HKDC1: variants seen among roughly 807,000 people sequenced by gnomAD.
HKDC1 encodes the protein hexokinase HKDC1.
HKDC1 carries 66 observed loss-of-function variants against 96.6 expected under a neutral mutation model. That is an observed-to-expected ratio of 0.68 (90% CI 0.56 to 0.84). The LOEUF (loss-of-function observed/expected upper bound fraction) is 0.84. HKDC1 is among the 40% of genes least tolerant of loss of function. The probability of loss-of-function intolerance (pLI) is 0.00; values close to 1 mark genes in which losing one functional copy is unlikely to be tolerated. For synonymous variants in HKDC1, 466 were observed against 473.1 expected, an observed-to-expected ratio of 0.98 and a Z score of 0.20; for missense variants, 1,211 against 1,208.1, an observed-to-expected ratio of 1.00 and a Z score of -0.04.
chr10:69,244,521 T>C (rs1843507753), intron 7 of HKDC1, among the ~76,000 whole-genome samples: 1 of 152,316 alleles, frequency 6.6e-6, no homozygotes, highest in South Asian at 2.1e-4. Flanking sequence ...TTACTTAAAA[T>C]AAATTCTATT....
Position 69,232,812 on chromosome 10 carries a change from T to G in HKDC1, c.275T>G (p.Val92Gly). The G allele has an allele frequency of 1.2e-6, 2 of 1,613,876 alleles. No individual in the cohort carries two copies. Among genetic ancestry groups the G allele is most frequent in the Non-Finnish European group, 1.7e-6 (2 of 1,179,942 alleles). Residue 92 changes from valine (V) to glycine (G), a missense_variant, in exon 3 of 18, where the codon GTG becomes GGG. Transcript: ENST00000354624. The part of the protein sequence containing the change: ...SLDLGGSKFR[V>G]LKVQVAEEGK... ...GATCTCGGAGGGTCCAAGTTCCGAG[T>G]GCTGAAGGTGCAAGTCGCTGAAGAG...
chr10:69,243,499 CTTTTTT>C (rs5785905), intron 7 of HKDC1, 134 bp downstream of exon 7: 2 of 520,718 alleles, frequency 3.8e-6, no homozygotes, highest in African/African-American at 4.4e-5. Flanking sequence ...TTTCTTTTTC[CTTTTTT>C]TTTTTTTTTG....
intron 14 of HKDC1, among the ~76,000 whole-genome samples, 166 bp from the exon 15 acceptor site, chr10:69,258,610 G>A (rs1468811721): frequency 6.6e-6 from 1 of 152,178 alleles, no homozygotes; most frequent in Admixed American, 6.5e-5. Flanking sequence ...CTGAGCCTCT[G>A]AAAGATGAGA....
chr10:69,252,101 T>C (rs900818858), intron 12 of HKDC1, among the ~76,000 whole-genome samples: 1 of 152,210 alleles, frequency 6.6e-6, no homozygotes, highest in Non-Finnish European at 1.5e-5. Context: ...TCAGAAGCAA[T>C]TGATCACATG....
chr10:69,224,700 C>G (rs1318597921), intron 1 of HKDC1, among the ~76,000 whole-genome samples: 2 of 152,164 alleles, frequency 1.3e-5, no homozygotes, highest in Non-Finnish European at 2.9e-5. Flanking sequence ...AATGTGAGAC[C>G]TTTGGACTAG....
intron 1 of HKDC1, 56 bp from the exon 2 acceptor site, chr10:69,227,151 C>A: frequency 6.3e-7 from 1 of 1,596,468 alleles, no homozygotes; most frequent in South Asian, 1.1e-5. Context: ...GTTACAGCCT[C>A]GACTGGAGGG....
intron 12 of HKDC1, 23 bp from the exon 13 acceptor site, chr10:69,257,013 G>A (rs1300563768): frequency 6.3e-7 from 1 of 1,587,248 alleles, no homozygotes; most frequent in Non-Finnish European, 8.7e-7. Flanking sequence ...TTGCTCAAAT[G>A]AATTTCCCCT....
intron 8 of HKDC1, 54 bp downstream of exon 8, chr10:69,246,288 G>C: frequency 6.3e-7 from 1 of 1,590,950 alleles, no homozygotes; most frequent in Non-Finnish European, 8.6e-7. Context: ...GGAGGCCCAG[G>C]TGTGGGGTGC....
intron 4 of HKDC1, among the ~76,000 whole-genome samples, chr10:69,233,926 G>A (rs988005989): frequency 7.5e-6 from 1 of 132,556 alleles, no homozygotes; most frequent in African/African-American, 2.8e-5. Context: ...GGGGGCACTG[G>A]AGGAGTGAGA....
At position 69,261,339 on chromosome 10, in the gene HKDC1, C is replaced by T. The variant is rs575591226; in HGVS notation, c.2372+45C>T. 5.0e-6 allele frequency: 8 copies of T among 1,586,894 alleles called. No homozygotes were observed. The African/African-American group carries it at 8.0e-5, about 16-fold the overall frequency. On this transcript the variant is annotated intron_variant, in intron 16 of 17. Coordinates refer to ENST00000354624, the MANE Select transcript of HKDC1 (RefSeq NM_025130.4). The stretch of plus-strand genomic sequence containing the variant: ...ATCATGAGGCTCTGACTGGCATATG[C>T]TGCCACCACGCTGGGGTTGGGCCAA...
At chr10:69,243,092 T>C in intron 6 of HKDC1, 90 bp from the exon 7 acceptor site, 2 of 1,321,472 alleles carry the variant, frequency 1.5e-6, no homozygotes, top group Non-Finnish European at 2.2e-6. Flanking sequence ...TTGTGGTACA[T>C]TGAGGAGGAC....
chr10:69,249,885 A>G (rs1843610202), intron 10 of HKDC1, among the ~76,000 whole-genome samples: 1 of 152,144 alleles, frequency 6.6e-6, no homozygotes, highest in South Asian at 2.1e-4. Flanking sequence ...GCTGTCAGTC[A>G]GTGAAGCTGA....
chr10:69,233,720 A>C (rs564671723), intron 4 of HKDC1, among the ~76,000 whole-genome samples: 1 of 151,912 alleles, frequency 6.6e-6, no homozygotes, highest in South Asian at 2.1e-4. Context: ...AACATGGTGA[A>C]ACCCCGTCTC....
chr10:69,233,616 G>A (rs1343891646), intron 4 of HKDC1, among the ~76,000 whole-genome samples: 2 of 152,134 alleles, frequency 1.3e-5, no homozygotes, highest in Non-Finnish European at 2.9e-5. Context: ...GGGCACTGGA[G>A]GACCAGGCGC....
At chr10:69,230,331 G>GT (rs1465176625) in intron 2 of HKDC1, among the ~76,000 whole-genome samples, 1 of 152,196 alleles carries the variant, frequency 6.6e-6, no homozygotes, top group Non-Finnish European at 1.5e-5. Context: ...GGCCTTGGGG[G>GT]TGAGCCCGGG....
intron 9 of HKDC1, 51 bp downstream of exon 9, chr10:69,247,644 G>A (rs780995768): frequency 1.1e-5 from 16 of 1,440,380 alleles, no homozygotes; most frequent in Non-Finnish European, 1.5e-5. Context: ...CCCTGGAGCA[G>A]GGCCCCAGTG....
intron 8 of HKDC1, 53 bp downstream of exon 8, chr10:69,246,287 G>C: frequency 6.3e-6 from 10 of 1,591,326 alleles, no homozygotes; most frequent in Non-Finnish European, 7.7e-6. Flanking sequence ...GGGAGGCCCA[G>C]GTGTGGGGTG....
At chr10:69,235,675 T>C (rs985132385) in intron 4 of HKDC1, among the ~76,000 whole-genome samples, 4 of 152,136 alleles carry the variant, frequency 2.6e-5, no homozygotes, top group African/African-American at 9.7e-5. Flanking sequence ...GGAAGAAAAT[T>C]CTCAAGCTCT....
At chr10:69,246,691 A>G (rs1336724907) in intron 8 of HKDC1, among the ~76,000 whole-genome samples, 1 of 152,348 alleles carries the variant, frequency 6.6e-6, no homozygotes, top group East Asian at 1.9e-4. Flanking sequence ...CCCATCAGGA[A>G]CTGGCTTTGA....
Sources: gnomAD v4.1 joint callset for allele counts (sites outside exome capture counted in the v4.1 genomes callset) on GRCh38, gnomAD v4.1.1 for gene constraint, MANE v1.5 for transcripts, NCBI Gene and HGNC (gene_info 2026-07-23, HGNC 2026-07-21) for gene names.